WDR17: variants seen among roughly 807,000 people sequenced by gnomAD.
WDR17 encodes the protein WD repeat-containing protein 17.
A neutral mutation model predicts 161.7 loss-of-function variants in WDR17; 143 were observed. That is an observed-to-expected ratio of 0.88 (90% CI 0.77 to 1.02). The LOEUF (loss-of-function observed/expected upper bound fraction) is 1.02, where lower values mean the gene tolerates loss of function less well. Ranked by LOEUF, WDR17 falls within the 50% of genes least tolerant of loss-of-function variation. WDR17 has a pLI of 0.00. For missense variants in WDR17, 1,469 were observed against 1,520.9 expected, an observed-to-expected ratio of 0.97 and a Z score of 0.57; for synonymous variants, 517 against 515.6, an observed-to-expected ratio of 1.00 and a Z score of -0.04.
At chr4:176,121,541 G>A (rs1361812718) in intron 4 of WDR17, among the ~76,000 whole-genome samples, 5 of 152,060 alleles carry the variant, frequency 3.3e-5, no homozygotes, top group African/African-American at 1.2e-4. Context: ...TTTCAAACTA[G>A]ATCTGAAGAA....
intron 17 of WDR17, among the ~76,000 whole-genome samples, chr4:176,155,854 T>G (rs1204129157): frequency 6.6e-6 from 1 of 151,760 alleles, no homozygotes; most frequent in African/African-American, 2.4e-5. Flanking sequence ...TCAGCCACCA[T>G]GCCCAGCTTC....
At chr4:176,081,974 A>G (rs752132705) in intron 1 of WDR17, among the ~76,000 whole-genome samples, 9 of 152,080 alleles carry the variant, frequency 5.9e-5, no homozygotes, top group African/African-American at 1.2e-4. Flanking sequence ...GAGACAAGTG[A>G]GAATGGTTGT....
At chr4:176,103,084 C>T (rs1738081642) in intron 1 of WDR17, among the ~76,000 whole-genome samples, 1 of 152,168 alleles carries the variant, frequency 6.6e-6, no homozygotes, top group African/African-American at 2.4e-5. Context: ...GAAGCAATTT[C>T]AAGGGGACTT....
intron 16 of WDR17, among the ~76,000 whole-genome samples, chr4:176,151,596 G>A (rs1747121396): frequency 1.3e-5 from 2 of 151,984 alleles, no homozygotes; most frequent in South Asian, 2.1e-4. Flanking sequence ...TAGTTTATGG[G>A]GTATATGTGA....
chr4:176,174,635 G>T lies in WDR17; in HGVS notation c.3366G>T (p.Leu1122=). Reference sequence around the variant, plus strand: ...CTTTTAGAGCTCGAAATGAGTTGCTGATATTATGTGGTTACATTGGTGCAT... The same window carrying T: ...CTTTTAGAGCTCGAAATGAGTTGCTTATATTATGTGGTTACATTGGTGCAT... The part of the protein sequence containing the change: ...HTCTEARNEL[L]ILCGYIGALL... Residue 1122 remains leucine, a synonymous_variant, in exon 26 of 29, where the codon CTG becomes CTT. Transcript: ENST00000508596. 1.2e-6 allele frequency: 2 copies of T among 1,609,130 alleles called. No individual in the cohort carries two copies. Among genetic ancestry groups the T allele is most frequent in the South Asian group, 1.1e-5 (1 of 89,962 alleles).
At chr4:176,133,177 TATTTTTA>T (rs150260433) in intron 7 of WDR17, among the ~76,000 whole-genome samples, 1,575 of 138,356 alleles carry the variant, frequency 0.011, 30 homozygotes, top group Non-Finnish European at 0.014. Flanking sequence ...AACAATTTTT[TATTTTTA>T]TTTTTTTTTT....
chr4:176,182,149 A>T lies in WDR17; in HGVS notation c.*2570A>T, dbSNP rs1752218883. The T allele has an allele frequency of 6.6e-6, 1 of 152,050 alleles. No homozygotes were observed. Among genetic ancestry groups the T allele is most frequent in the Non-Finnish European group, 1.5e-5 (1 of 67,936 alleles). The allele number at this position is 152,050 out of a possible 1,614,324, so 9.4% of individuals were successfully genotyped here. ...TTTGAAAATGTTCATATTACCAATAATGTGGACAAATTACTTTGCAGGTTT... is the reference window on the plus strand; with the variant it reads ...TTTGAAAATGTTCATATTACCAATATTGTGGACAAATTACTTTGCAGGTTT... On this transcript the variant is annotated 3_prime_UTR_variant, in exon 29 of 29. Coordinates refer to ENST00000508596, the MANE Select transcript of WDR17 (RefSeq NM_181265.4). The surrounding 1 kb of genome is among the most constrained non-coding windows in gnomAD (Gnocchi z 4.2).
chr4:176,087,099 A>G (rs1049021726), intron 1 of WDR17, among the ~76,000 whole-genome samples: 1 of 152,050 alleles, frequency 6.6e-6, no homozygotes, highest in East Asian at 1.9e-4. Flanking sequence ...ATCATTTTGT[A>G]TAGTTAATAT....
chr4:176,141,845 T>C (rs1437833273), intron 10 of WDR17, 138 bp from the exon 11 acceptor site: 2 of 654,638 alleles, frequency 3.1e-6, no homozygotes, highest in Admixed American at 6.2e-5. Flanking sequence ...TACAGTACTT[T>C]CAAATGTTCT....
chr4:176,158,793 T>C (rs1748552167), intron 18 of WDR17, among the ~76,000 whole-genome samples: 1 of 152,232 alleles, frequency 6.6e-6, no homozygotes, highest in Non-Finnish European at 1.5e-5. Context: ...CCTGATTTTC[T>C]CTGCCTCTTA....
intron 25 of WDR17, 67 bp downstream of exon 25, chr4:176,173,436 T>A (rs1751027917): frequency 4.8e-6 from 5 of 1,050,432 alleles, no homozygotes; most frequent in Non-Finnish European, 7.1e-6. Flanking sequence ...CTCCATTGTT[T>A]TTGGTATTCA....
intron 13 of WDR17, among the ~76,000 whole-genome samples, 160 bp from the exon 14 acceptor site, chr4:176,149,647 C>T (rs1296415474): frequency 1.3e-5 from 2 of 152,060 alleles, no homozygotes; most frequent in Non-Finnish European, 2.9e-5. Context: ...ATATTATTTT[C>T]AGCCAGTATA....
chr4:176,141,469 G>A (rs979240893), intron 10 of WDR17, among the ~76,000 whole-genome samples: 2 of 151,916 alleles, frequency 1.3e-5, no homozygotes, highest in Non-Finnish European at 2.9e-5. Context: ...TTTTTCCATC[G>A]CTCAGGCTGG....
At chr4:176,173,181 G>C in intron 24 of WDR17, 86 bp from the exon 25 acceptor site, 1 of 890,736 alleles carries the variant, frequency 1.1e-6, no homozygotes, top group Non-Finnish European at 1.7e-6. Flanking sequence ...CTGACTGACA[G>C]AAAATTAATT....
intron 1 of WDR17, among the ~76,000 whole-genome samples, chr4:176,104,640 T>C (rs1738397472): frequency 6.6e-6 from 1 of 152,014 alleles, no homozygotes; most frequent in South Asian, 2.1e-4. Flanking sequence ...TTGTATGTAA[T>C]TGAAGCTAAT....
At chr4:176,142,261 C>G (rs541699229) in intron 11 of WDR17, among the ~76,000 whole-genome samples, 192 bp downstream of exon 11, 12 of 152,214 alleles carry the variant, frequency 7.9e-5, no homozygotes, top group African/African-American at 2.9e-4. Flanking sequence ...GAAGTTTTTA[C>G]ATGATTTACA....
chr4:176,169,991 T>A (rs750741502), intron 23 of WDR17, among the ~76,000 whole-genome samples: 3 of 152,194 alleles, frequency 2.0e-5, no homozygotes, highest in Non-Finnish European at 4.4e-5. Context: ...GTTTTTTAAT[T>A]ATACATTAAC....
intron 3 of WDR17, among the ~76,000 whole-genome samples, chr4:176,116,336 C>A (rs537186728): frequency 6.6e-6 from 1 of 151,888 alleles, no homozygotes; most frequent in African/African-American, 2.4e-5. Flanking sequence ...TCTATTCCAA[C>A]CTTTAAATTA....
rs147281960 is a variant in WDR17, at chr4:176,148,283, T to C, written c.1845T>C (p.Thr615=). Residue 615 remains threonine (T), a synonymous_variant, in exon 13 of 29, where the codon ACT becomes ACC. Transcript: ENST00000508596. The stretch of plus-strand genomic sequence containing the variant: ...ACTATACTATAAAAGTATGGGACAC[T>C]CGAGAAGGAACTTGTGTGGATACTG... ...SWDYTIKVWD[T]REGTCVDTVY... 5.0e-6 allele frequency: 8 copies of C among 1,613,884 alleles called. No individual in the cohort carries two copies. Among genetic ancestry groups the C allele is most frequent in the Non-Finnish European group, 6.8e-6 (8 of 1,179,940 alleles).
Sources: gnomAD v4.1 joint callset for allele counts (sites outside exome capture counted in the v4.1 genomes callset) on GRCh38, gnomAD v4.1.1 for gene constraint, Gnocchi (gnomAD v3.1) non-coding constraint, MANE v1.5 for transcripts, NCBI Gene and HGNC (gene_info 2026-07-23, HGNC 2026-07-21) for gene names.